The following TCERG1L variants were observed in gnomAD, a reference collection of about 807,000 sequenced individuals.
TCERG1L encodes the protein transcription elongation regulator 1 like.
In TCERG1L, 37 loss-of-function variants were observed where a neutral mutation model predicts 56.3. That is an observed-to-expected ratio of 0.66 (90% CI 0.51 to 0.87). The LOEUF (loss-of-function observed/expected upper bound fraction) is 0.87. Among genes scored for constraint, TCERG1L ranks in the 40% least tolerant of loss-of-function variants. The probability of loss-of-function intolerance (pLI) is 0.00; values close to 1 mark genes in which losing one functional copy is unlikely to be tolerated. For missense variants in TCERG1L, 799 were observed against 774.2 expected (o/e 1.03, Z -0.38); for synonymous variants, 324 against 326.3 (o/e 0.99, Z 0.08).
intron 9 of TCERG1L, among the ~76,000 whole-genome samples, 185 bp from the exon 10 acceptor site, chr10:131,104,539 A>G (rs1176206351): frequency 1.3e-5 from 2 of 152,206 alleles, no homozygotes; most frequent in Admixed American, 6.5e-5. Context: ...CAATACTAGA[A>G]CATCAGAAAA....
intron 11 of TCERG1L, among the ~76,000 whole-genome samples, chr10:131,097,440 C>G (rs1845261008): frequency 6.6e-6 from 1 of 152,128 alleles, no homozygotes; most frequent in Non-Finnish European, 1.5e-5. Context: ...CTCCGCCTCC[C>G]AGGTTTACGC....
At chr10:131,198,823 CT>C (rs1423002844) in intron 4 of TCERG1L, among the ~76,000 whole-genome samples, 362 of 838 alleles carry the variant, frequency 0.43, 1 homozygote, top group African/African-American at 0.48. Flanking sequence ...TCTTTTGCAT[CT>C]GGGGTGGAAG....
At chr10:131,120,797 A>T (rs536563812) in intron 8 of TCERG1L, among the ~76,000 whole-genome samples, 2 of 152,250 alleles carry the variant, frequency 1.3e-5, no homozygotes, top group African/African-American at 4.8e-5. Context: ...ATTCAGTGAG[A>T]TGGTCCACAT....
intron 8 of TCERG1L, among the ~76,000 whole-genome samples, chr10:131,132,415 A>G (rs1845627664): frequency 6.6e-6 from 1 of 152,210 alleles, no homozygotes; most frequent in African/African-American, 2.4e-5. Context: ...ATTAAAACTA[A>G]AATTAGCGTT....
intron 8 of TCERG1L, among the ~76,000 whole-genome samples, chr10:131,133,161 G>A (rs757006688): frequency 1.3e-5 from 2 of 152,138 alleles, no homozygotes; most frequent in Non-Finnish European, 2.9e-5. Context: ...TGGCTGCTGG[G>A]CCTGCTAGGT....
chr10:131,189,182 C>T (rs1203762476), intron 4 of TCERG1L, among the ~76,000 whole-genome samples: 1 of 152,074 alleles, frequency 6.6e-6, no homozygotes, highest in African/African-American at 2.4e-5. Context: ...ATTATTTTTC[C>T]TTTTTTATTT....
At chr10:131,277,369 A>T (rs549541798) in intron 3 of TCERG1L, among the ~76,000 whole-genome samples, 2 of 152,344 alleles carry the variant, frequency 1.3e-5, no homozygotes, top group South Asian at 2.1e-4. Context: ...CAAAGCTCTA[A>T]CAACCGGAGC....
At chr10:131,261,160 T>C (rs1368376918) in intron 3 of TCERG1L, among the ~76,000 whole-genome samples, 2 of 152,228 alleles carry the variant, frequency 1.3e-5, no homozygotes, top group Admixed American at 1.3e-4. Flanking sequence ...TTTTCTGACA[T>C]CAATGGACGC....
In TCERG1L at chr10:131,118,695, T is replaced by C. The variant is rs867040684; in HGVS notation, c.1260-1761A>G. Among the ~76,000 whole-genome samples the C allele has an allele frequency of 2.6e-5, 4 of 152,190 alleles. No homozygotes were observed. Among genetic ancestry groups the C allele is most frequent in the Non-Finnish European group, 5.9e-5 (4 of 68,036 alleles). The stretch of plus-strand genomic sequence containing the variant: ...ATCCACTGACCCCCAACCCTGACCG[T>C]GGCTATCAAATCCTGCTTTTCCATG... On this transcript the variant is annotated intron_variant, in intron 8 of 11. Transcript: ENST00000368642. The surrounding 1 kb of genome is among the most constrained non-coding windows in gnomAD (Gnocchi z 4.2).
chr10:131,238,191 C>T (rs1223906335), intron 4 of TCERG1L, among the ~76,000 whole-genome samples: 3 of 152,176 alleles, frequency 2.0e-5, no homozygotes, highest in African/African-American at 4.8e-5. Context: ...GGGTCCGCTC[C>T]GGCAGGATCT....
At chr10:131,246,642 C>A (rs947392008) in intron 4 of TCERG1L, among the ~76,000 whole-genome samples, 1 of 152,216 alleles carries the variant, frequency 6.6e-6, no homozygotes, top group African/African-American at 2.4e-5. Flanking sequence ...GGGAGCTCCT[C>A]CTTCCGTGGT....
At chr10:131,126,301 G>A (rs546975315) in intron 8 of TCERG1L, among the ~76,000 whole-genome samples, 10 of 152,328 alleles carry the variant, frequency 6.6e-5, no homozygotes, top group African/African-American at 2.2e-4. Context: ...GTGGCAGAAT[G>A]AGGAGTGATC....
intron 4 of TCERG1L, among the ~76,000 whole-genome samples, chr10:131,221,502 T>G (rs1029759599): frequency 3.3e-5 from 5 of 152,214 alleles, no homozygotes; most frequent in Non-Finnish European, 7.3e-5. Context: ...AAAGCGGCGG[T>G]CTTCTAACTG....
chr10:131,183,719 A>G (rs1199447700), intron 4 of TCERG1L, among the ~76,000 whole-genome samples: 3 of 152,300 alleles, frequency 2.0e-5, no homozygotes, highest in African/African-American at 7.2e-5. Context: ...CTCAGGGCCC[A>G]GGCTCTCTGG....
chr10:131,157,669 G>GTT (rs1035958887), intron 6 of TCERG1L, among the ~76,000 whole-genome samples: 2 of 152,032 alleles, frequency 1.3e-5, no homozygotes, highest in African/African-American at 4.8e-5. Context: ...ATGCCTAAAA[G>GTT]TTTAAAGAAG....
chr10:131,205,450 AAC>A (rs1845510707), intron 4 of TCERG1L, among the ~76,000 whole-genome samples: 3 of 152,212 alleles, frequency 2.0e-5, no homozygotes, highest in Non-Finnish European at 4.4e-5. Context: ...TCCTTCATGA[AAC>A]TACATTAGAT....
chr10:131,104,787 G>T (rs2133382202), intron 9 of TCERG1L, among the ~76,000 whole-genome samples: 1 of 152,272 alleles, frequency 6.6e-6, no homozygotes, highest in East Asian at 1.9e-4. Flanking sequence ...TTTTAGGTAG[G>T]TCATTTTAAA....
Position 131,260,824 on chromosome 10 carries a change from C to A in TCERG1L, c.671-380G>T, listed in dbSNP as rs778014168. ...GCACTCAGTGATTTGGAGCAGAAACCGGTGAAGGCCCAGGAGTGCCACATA... is the reference window on the plus strand; with the variant it reads ...GCACTCAGTGATTTGGAGCAGAAACAGGTGAAGGCCCAGGAGTGCCACATA... On this transcript the variant is annotated intron_variant, in intron 3 of 11. Coordinates refer to ENST00000368642, the MANE Select transcript of TCERG1L (RefSeq NM_174937.4). The surrounding 1 kb of genome is among the most constrained non-coding windows in gnomAD (Gnocchi z 5.8). Among the ~76,000 whole-genome samples, 1 of 152,118 alleles carries A rather than the reference C, an allele frequency of 6.6e-6. No individual in the cohort carries two copies. The highest frequency in any genetic ancestry group is 1.5e-5 in the Non-Finnish European group (1 of 68,034).
intron 4 of TCERG1L, among the ~76,000 whole-genome samples, chr10:131,228,177 A>G (rs1845814408): frequency 6.7e-6 from 1 of 149,416 alleles, no homozygotes; most frequent in East Asian, 2.0e-4. Context: ...CCGGACAGGC[A>G]TTTCCTCAAG....
Sources: gnomAD v4.1 joint callset for allele counts (sites outside exome capture counted in the v4.1 genomes callset) on GRCh38, gnomAD v4.1.1 for gene constraint, Gnocchi (gnomAD v3.1) non-coding constraint, MANE v1.5 for transcripts, NCBI Gene and HGNC (gene_info 2026-07-23, HGNC 2026-07-21) for gene names.